INPP5B: variants seen among roughly 807,000 people sequenced by gnomAD.
The protein encoded by INPP5B is type II inositol 1,4,5-trisphosphate 5-phosphatase.
A neutral mutation model predicts 118.5 loss-of-function variants in INPP5B; 90 were observed. The observed-to-expected ratio is 0.76, with a 90% confidence interval of 0.64 to 0.90. The LOEUF (loss-of-function observed/expected upper bound fraction) is 0.90, where lower values mean the gene tolerates loss of function less well. Ranked by LOEUF, INPP5B falls within the 40% of genes least tolerant of loss-of-function variation. The pLI, the probability that INPP5B is intolerant of heterozygous loss-of-function variation, is 0.00. For missense variants in INPP5B, 984 were observed against 1,125.6 expected, an observed-to-expected ratio of 0.87 and a Z score of 1.80; for synonymous variants, 385 against 418.9, an observed-to-expected ratio of 0.92 and a Z score of 0.99.
In INPP5B at chr1:37,943,633, C is replaced by T; in HGVS notation, c.280+7G>A. ...CGAGTGGGACCCAGACCAAGAGGAC[C>T]ACTCACCAAGGATGTAGAGTTCACC... is the stretch of plus-strand genomic sequence containing the variant. On this transcript the variant is annotated splice_region_variant and intron_variant, in intron 5 of 23. Transcript: ENST00000373024. 6.2e-7 allele frequency: 1 copy of T among 1,613,904 alleles called. No individual in the cohort carries two copies. The highest frequency in any genetic ancestry group is 8.5e-7 in the Non-Finnish European group (1 of 1,179,918).
At chr1:37,940,928 G>T in intron 5 of INPP5B, 130 bp from the exon 6 acceptor site, 3 of 602,906 alleles carry the variant, frequency 5.0e-6, no homozygotes, top group Non-Finnish European at 8.9e-6. Flanking sequence ...CAACTTACTT[G>T]GGACAGCTGC....
chr1:37,889,352 C>T (rs925512749), intron 9 of INPP5B, among the ~76,000 whole-genome samples: 6 of 152,126 alleles, frequency 3.9e-5, no homozygotes, highest in African/African-American at 1.4e-4. Flanking sequence ...CCCACTATAC[C>T]ACACCTATCA....
intron 4 of INPP5B, 57 bp from the exon 5 acceptor site, chr1:37,943,726 C>G: frequency 6.2e-7 from 1 of 1,612,372 alleles, no homozygotes. Flanking sequence ...CCCTTGCCCC[C>G]CCATCAAGGA....
intron 13 of INPP5B, chr1:37,883,212 C>G: frequency 1.0e-6 from 1 of 985,408 alleles, no homozygotes; most frequent in Non-Finnish European, 1.2e-6. Context: ...GTAATTTACC[C>G]CATTCCTGGG....
intron 11 of INPP5B, 137 bp downstream of exon 11, chr1:37,887,214 T>C (rs975524946): frequency 8.1e-6 from 6 of 737,284 alleles, no homozygotes; most frequent in Non-Finnish European, 1.2e-5. Flanking sequence ...AGGCACCCCT[T>C]CTGGAAGATC....
intron 15 of INPP5B, 60 bp from the exon 16 acceptor site, chr1:37,878,383 G>A (rs549749659): frequency 2.7e-5 from 43 of 1,597,304 alleles, no homozygotes; most frequent in African/African-American, 1.2e-4. Flanking sequence ...GCTGCCTGGC[G>A]AGTGCCCTGG....
At chr1:37,887,969 A>G (rs368145404) in intron 10 of INPP5B, among the ~76,000 whole-genome samples, 1 of 152,216 alleles carries the variant, frequency 6.6e-6, no homozygotes, top group African/African-American at 2.4e-5. Flanking sequence ...TCCAAGCAAT[A>G]AAGTTCAGTT....
intron 7 of INPP5B, 58 bp downstream of exon 7, chr1:37,931,855 G>A: frequency 6.2e-7 from 1 of 1,611,874 alleles, no homozygotes; most frequent in Non-Finnish European, 8.5e-7. Context: ...AACGGAGCCC[G>A]CCCCCTGTGG....
Position 37,878,331 on chromosome 1 carries a change from G to A in INPP5B, c.1542-8C>T. ...GGAGCACGGCACTTCTCACTGAAATGCAAAGTCCACACTGGAAGTACTCAC... is the reference window on the plus strand; with the variant it reads ...GGAGCACGGCACTTCTCACTGAAATACAAAGTCCACACTGGAAGTACTCAC... On this transcript the variant is annotated splice_polypyrimidine_tract_variant and splice_region_variant and intron_variant, in intron 15 of 23. Coordinates refer to ENST00000373024, the MANE Select transcript of INPP5B (RefSeq NM_005540.3). 1 of 1,613,706 alleles carries A rather than the reference G, an allele frequency of 6.2e-7. No homozygotes were observed. Among genetic ancestry groups the A allele is most frequent in the Non-Finnish European group, 8.5e-7 (1 of 1,179,750 alleles).
intron 7 of INPP5B, among the ~76,000 whole-genome samples, chr1:37,911,642 T>C (rs1038144798): frequency 1.3e-5 from 2 of 152,204 alleles, no homozygotes; most frequent in African/African-American, 4.8e-5. Context: ...GCAAAAGGAC[T>C]ACGAGTCAAT....
chr1:37,927,773 G>A (rs1050244528), intron 7 of INPP5B, among the ~76,000 whole-genome samples: 9 of 151,956 alleles, frequency 5.9e-5, no homozygotes, highest in Admixed American at 2.0e-4. Flanking sequence ...TCCTGACCTC[G>A]TGATCCGCCC....
chr1:37,896,461 G>C (rs1644075427), intron 7 of INPP5B, among the ~76,000 whole-genome samples: 1 of 150,336 alleles, frequency 6.7e-6, no homozygotes. Flanking sequence ...GCCCCGTCCG[G>C]GAGGGAGGTG....
intron 15 of INPP5B, 155 bp from the exon 16 acceptor site, chr1:37,878,478 G>C: frequency 3.0e-6 from 3 of 985,328 alleles, no homozygotes; most frequent in Non-Finnish European, 2.4e-6. Flanking sequence ...GGCCCACCAA[G>C]GGATAACATG....
At chr1:37,939,739 G>A (rs556212130) in intron 6 of INPP5B, among the ~76,000 whole-genome samples, 1 of 151,284 alleles carries the variant, frequency 6.6e-6, no homozygotes, top group African/African-American at 2.4e-5. Context: ...CACCGCGCCC[G>A]GCCTGTTATT....
At chr1:37,894,448 G>T (rs1368971250) in intron 7 of INPP5B, among the ~76,000 whole-genome samples, 1 of 151,928 alleles carries the variant, frequency 6.6e-6, no homozygotes, top group Non-Finnish European at 1.5e-5. Flanking sequence ...ATGCATCACT[G>T]TATCCCCATC....
intron 6 of INPP5B, among the ~76,000 whole-genome samples, chr1:37,933,903 A>AT (rs528408155): frequency 7.2e-5 from 1 of 13,914 alleles, no homozygotes; most frequent in Non-Finnish European, 1.3e-4. Flanking sequence ...TTTTTATTTT[A>AT]TTTATTTATT....
chr1:37,919,178 T>C (rs1337190033), intron 7 of INPP5B, among the ~76,000 whole-genome samples: 2 of 152,152 alleles, frequency 1.3e-5, no homozygotes, highest in Non-Finnish European at 2.9e-5. Flanking sequence ...TCTGTTTGGA[T>C]AACCAAGCAA....
At chr1:37,863,087 C>T (rs906065688) in intron 23 of INPP5B, among the ~76,000 whole-genome samples, 8 of 152,082 alleles carry the variant, frequency 5.3e-5, no homozygotes, top group East Asian at 1.9e-4. Flanking sequence ...GGTTGAGGCA[C>T]GGGCGTTGGA....
At chr1:37,898,060 G>A (rs1174098002) in intron 7 of INPP5B, among the ~76,000 whole-genome samples, 4 of 152,192 alleles carry the variant, frequency 2.6e-5, no homozygotes. Flanking sequence ...TGAATAAACT[G>A]TGATACATCC....
Sources: gnomAD v4.1 joint callset for allele counts (sites outside exome capture counted in the v4.1 genomes callset) on GRCh38, gnomAD v4.1.1 for gene constraint, MANE v1.5 for transcripts, NCBI Gene and HGNC (gene_info 2026-07-23, HGNC 2026-07-21) for gene names.